The following TACC1 variants were observed in gnomAD, a reference collection of about 807,000 sequenced individuals.
The protein encoded by TACC1 is transforming acidic coiled-coil-containing protein 1.
TACC1 carries 48 observed loss-of-function variants against 84.4 expected under a neutral mutation model. The observed-to-expected ratio is 0.57, with a 90% CI of 0.45 to 0.72. The LOEUF (loss-of-function observed/expected upper bound fraction) is 0.72, where lower values mean the gene tolerates loss of function less well. TACC1 is among the 30% of genes least tolerant of loss of function. The probability of loss-of-function intolerance (pLI) is 0.00; values close to 1 mark genes in which losing one functional copy is unlikely to be tolerated. For synonymous variants in TACC1, 372 were observed against 376.3 expected (o/e 0.99, Z 0.13); for missense variants, 920 against 973.0 (o/e 0.95, Z 0.72).
rs113885745 is a variant in TACC1, at chr8:38,788,506, G to A, written c.162-198G>A. The A allele has an allele frequency of 1.8e-3, 895 of 490,034 alleles. 7 individuals are homozygous for A. Among genetic ancestry groups the A allele is most frequent in the African/African-American group, 0.016 (810 of 51,442 alleles). 30.4% of individuals were successfully genotyped at this position (490,034 alleles called of 1,614,324 possible). On this transcript the variant is annotated intron_variant, in intron 1 of 12. Coordinates refer to ENST00000317827, the MANE Select transcript of TACC1 (RefSeq NM_006283.3). ...AATGGAGGAGCTTTCAGAGAGACAG[G>A]ATGCCAGCCTGAGAAACCCAAGGAG...
chr8:38,755,809 G>GGTC (rs1809919859), intron 3 of TACC1, among the ~76,000 whole-genome samples: 1 of 27,422 alleles, frequency 3.6e-5, no homozygotes. Context: ...CAAGTGAAGA[G>GGTC]ATCATTATTA....
At chr8:38,740,175 G>A (rs566341728) in intron 1 of TACC1, among the ~76,000 whole-genome samples, 7 of 152,304 alleles carry the variant, frequency 4.6e-5, no homozygotes, top group Non-Finnish European at 1.0e-4. Flanking sequence ...GCTGACCACT[G>A]GTCAGGAATC....
chr8:38,757,508 G>C (rs1810330254), intron 3 of TACC1: 4 of 1,085,292 alleles, frequency 3.7e-6, no homozygotes, highest in Non-Finnish European at 4.5e-6. Context: ...CTGGGAAGGT[G>C]GGGTTCCCGC....
chr8:38,845,346 TC>T (rs1832023074), intron 11 of TACC1, among the ~76,000 whole-genome samples: 1 of 152,244 alleles, frequency 6.6e-6, no homozygotes. Flanking sequence ...GTATTAGATT[TC>T]TTATGCATTC....
At chr8:38,845,171 C>T (rs746663391) in intron 11 of TACC1, among the ~76,000 whole-genome samples, 4 of 152,190 alleles carry the variant, frequency 2.6e-5, no homozygotes, top group Non-Finnish European at 5.9e-5. Flanking sequence ...GTGATCCGCC[C>T]GCCTCGGTCT....
At chr8:38,744,876 A>G (rs541453885) in intron 2 of TACC1, 1 of 152,370 alleles carries the variant, frequency 6.6e-6, no homozygotes, top group Admixed American at 6.5e-5. Flanking sequence ...AATTCTGGGT[A>G]TTATGACCAT....
upstream of TACC1, among the ~76,000 whole-genome samples, chr8:38,783,082 C>CTA (rs1816380525): frequency 9.3e-6 from 1 of 107,400 alleles, no homozygotes; most frequent in African/African-American, 4.4e-5. Context: ...ATCTATCTAT[C>CTA]TATCTATCTA....
At chr8:38,820,966 G>A (rs958205171) in intron 3 of TACC1, among the ~76,000 whole-genome samples, 2 of 152,076 alleles carry the variant, frequency 1.3e-5, no homozygotes, top group African/African-American at 4.8e-5. Flanking sequence ...AGCACTTTGG[G>A]AGGCCGAGGC....
At position 38,819,612 on chromosome 8, in the gene TACC1, C is replaced by T. The variant is rs1272880621; in HGVS notation, c.368C>T (p.Pro123Leu). Residue 123 changes from proline to leucine, a missense_variant, in exon 3 of 13, where the codon CCA (proline) becomes CTA (leucine). Physicochemically the swap from Pro to Leu is moderately conservative, Grantham distance 98. Transcript: ENST00000317827. ...TCTAAACCTTCAGAAAATGAAGTGC[C>T]ACAGCAGGCCATTGACTCTCACTCA... ...TCSKPSENEVPQQAIDSHSVK... is the reference protein window; with the variant it reads ...TCSKPSENEVLQQAIDSHSVK... 6.2e-7 allele frequency: 1 copy of T among 1,614,172 alleles called. No individual in the cohort carries two copies. The highest frequency in any genetic ancestry group is 8.5e-7 in the Non-Finnish European group (1 of 1,180,030).
At chr8:38,749,046 A>G (rs7009994) in intron 3 of TACC1, among the ~76,000 whole-genome samples, 1 of 151,764 alleles carries the variant, frequency 6.6e-6, no homozygotes, top group Non-Finnish European at 1.5e-5. Context: ...AAATCTCAAG[A>G]CTGACTGGCA....
intron 2 of TACC1, among the ~76,000 whole-genome samples, chr8:38,818,722 A>AT (rs1825986381): frequency 6.7e-6 from 1 of 149,924 alleles, no homozygotes; most frequent in Non-Finnish European, 1.5e-5. Context: ...GTCACAGTAG[A>AT]TTTTTTAAAT....
intron 3 of TACC1, among the ~76,000 whole-genome samples, chr8:38,769,241 G>T (rs1192120581): frequency 6.8e-6 from 1 of 146,704 alleles, no homozygotes; most frequent in Non-Finnish European, 1.5e-5. Context: ...GACTGTGTAT[G>T]GGTTGGGGGT....
intron 2 of TACC1, among the ~76,000 whole-genome samples, chr8:38,793,504 A>G (rs1263918098): frequency 9.2e-5 from 14 of 152,084 alleles, no homozygotes; most frequent in Non-Finnish European, 1.6e-4. Context: ...ATTGCATCAT[A>G]TATTTTAAAG....
intron 3 of TACC1, chr8:38,824,061 C>T (rs375211600): frequency 1.3e-5 from 18 of 1,346,464 alleles, no homozygotes; most frequent in East Asian, 9.1e-5. Context: ...TCCCTGGGAC[C>T]GTTGGCAGTT....
At chr8:38,765,362 TA>T (rs1423483878) in intron 3 of TACC1, among the ~76,000 whole-genome samples, 1 of 152,092 alleles carries the variant, frequency 6.6e-6, no homozygotes, top group African/African-American at 2.4e-5. Context: ...TTATGGAAAA[TA>T]ACCTTTTTCT....
At chr8:38,785,471 A>AGG (rs1429447575), upstream of TACC1, among the ~76,000 whole-genome samples, 5 of 152,216 alleles carry the variant, frequency 3.3e-5, no homozygotes, top group Admixed American at 6.5e-5. Flanking sequence ...TCAGCCAGGC[A>AGG]GGGGTGACCT....
chr8:38,760,176 ATCTC>A (rs1354905726), intron 3 of TACC1, among the ~76,000 whole-genome samples: 1 of 152,256 alleles, frequency 6.6e-6, no homozygotes, highest in African/African-American at 2.4e-5. Context: ...ACTAGATTAA[ATCTC>A]TCTTACAAGA....
At position 38,843,271 on chromosome 8, in the gene TACC1, AT is replaced by A; in HGVS notation, c.2122-13del. On this transcript the variant is annotated splice_polypyrimidine_tract_variant and intron_variant, in intron 10 of 12. Transcript: ENST00000317827. ...AAACAAAATGACCTGTTTATTTTCA[AT>A]TTTTGCTTTGGAACAGAATGAAGAA... 1.3e-6 allele frequency: 2 copies of A among 1,531,186 alleles called. No individual in the cohort carries two copies. The highest frequency in any genetic ancestry group is 1.8e-6 in the Non-Finnish European group (2 of 1,138,496). The allele number at this position is 1,531,186 out of a possible 1,614,324, so 94.8% of individuals were successfully genotyped here. A position where few individuals can be genotyped will look rare whatever the true frequency, so the allele number is the denominator to read the frequency against.
chr8:38,781,749 C>A (rs970545120), intron 3 of TACC1, among the ~76,000 whole-genome samples: 9 of 151,996 alleles, frequency 5.9e-5, no homozygotes, highest in African/African-American at 2.2e-4. Flanking sequence ...AAATTCCACC[C>A]TCCCCACAAA....
Sources: gnomAD v4.1 joint callset for allele counts (sites outside exome capture counted in the v4.1 genomes callset) on GRCh38, gnomAD v4.1.1 for gene constraint, MANE v1.5 for transcripts, NCBI Gene and HGNC (gene_info 2026-07-23, HGNC 2026-07-21) for gene names.